Variants in SIAE observed in about 807,000 individuals in gnomAD.
The protein encoded by SIAE is sialate O-acetylesterase.
A neutral mutation model predicts 52.6 loss-of-function variants in SIAE; 39 were observed. That is an observed-to-expected ratio of 0.74 (90% confidence interval 0.57 to 0.97). SIAE has a LOEUF of 0.97. Among genes scored for constraint, SIAE ranks in the 50% least tolerant of loss-of-function variants. SIAE has a pLI of 0.00. For synonymous variants in SIAE, 233 were observed against 241.4 expected (o/e 0.97, Z 0.32); for missense variants, 592 against 662.1 (o/e 0.89, Z 1.16).
At chr11:124,671,124 T>C (rs962728665) in intron 1 of SIAE, among the ~76,000 whole-genome samples, 5 of 152,176 alleles carry the variant, frequency 3.3e-5, no homozygotes, top group African/African-American at 1.2e-4. Flanking sequence ...AACATACACT[T>C]AGTGAACATC....
chr11:124,662,878 C>T (rs1943209062), intron 2 of SIAE, among the ~76,000 whole-genome samples: 1 of 152,246 alleles, frequency 6.6e-6, no homozygotes, highest in African/African-American at 2.4e-5. Context: ...AGCACAGTGG[C>T]TCATGCCTGT....
intron 8 of SIAE, among the ~76,000 whole-genome samples, chr11:124,639,383 G>C (rs906524135): frequency 6.6e-6 from 1 of 152,214 alleles, no homozygotes; most frequent in Admixed American, 6.5e-5. Flanking sequence ...TTGTGTGGAA[G>C]CACTGAATTG....
upstream of SIAE, chr11:124,673,777 G>A: frequency 1.3e-6 from 2 of 1,558,802 alleles, no homozygotes; most frequent in Admixed American, 1.8e-5. Context: ...GGCCTGGGCG[G>A]GGGCGAGGCC....
intron 1 of SIAE, among the ~76,000 whole-genome samples, chr11:124,673,285 T>C (rs1331565821): frequency 1.3e-5 from 2 of 152,208 alleles, no homozygotes; most frequent in Admixed American, 6.5e-5. Flanking sequence ...TTTCCAAATA[T>C]TACCTAACTA....
chr11:124,637,568 C>G (rs1942770671), intron 9 of SIAE, among the ~76,000 whole-genome samples: 1 of 152,188 alleles, frequency 6.6e-6, no homozygotes, highest in African/African-American at 2.4e-5. Context: ...GGCCCAGCTG[C>G]TGCTGCTCCG....
In SIAE at chr11:124,633,348, C is replaced by T. The variant is rs1942652783; in HGVS notation, c.*3603G>A. ...ATTAAGGTAGAGGTTTACTCTATCA[C>T]CTAACACCTCAACACTACCTGTGGG... is the stretch of plus-strand genomic sequence containing the variant. On this transcript the variant is annotated 3_prime_UTR_variant, in exon 10 of 10. Coordinates refer to ENST00000263593, the MANE Select transcript of SIAE (RefSeq NM_170601.5). The T allele has an allele frequency of 1.3e-5, 2 of 152,178 alleles. No homozygotes were observed. The highest frequency in any genetic ancestry group is 2.9e-5 in the Non-Finnish European group (2 of 68,042). 9.4% of individuals were successfully genotyped at this position (152,178 alleles called of 1,614,324 possible). A position where few individuals can be genotyped will look rare whatever the true frequency, so the allele number is the denominator to read the frequency against.
upstream of SIAE, chr11:124,675,102 TG>T: frequency 1.3e-6 from 1 of 773,068 alleles, no homozygotes; most frequent in African/African-American, 1.8e-5. Flanking sequence ...AAGAAATGGA[TG>T]GGCTTGGGTT....
Position 124,638,575 on chromosome 11 carries a change from G to T in SIAE, c.1287C>A (p.Ile429=). 6.2e-7 allele frequency: 1 copy of T among 1,614,124 alleles called. No homozygotes were observed. Among genetic ancestry groups the T allele is most frequent in the South Asian group, 1.1e-5 (1 of 91,084 alleles). The change falls in exon 9 of 10, where the codon ATC becomes ATA. Residue 429 remains isoleucine (I), a synonymous_variant. Coordinates refer to ENST00000263593, the MANE Select transcript of SIAE (RefSeq NM_170601.5). The part of the protein sequence containing the change: ...GLLNLTYYQQ[I]QVQKKDNKIF... ...TCTTGTTGTCCTTTTTCTGCACCTG[G>T]ATTTGCTGGTAATATGTGAGATTGA...
intron 1 of SIAE, 133 bp downstream of exon 1, chr11:124,673,509 G>C (rs1043346700): frequency 3.8e-6 from 4 of 1,057,650 alleles, no homozygotes; most frequent in African/African-American, 1.6e-5. Flanking sequence ...TCGGAGACGC[G>C]AGCCCCTAGC....
intron 5 of SIAE, 127 bp from the exon 6 acceptor site, chr11:124,648,302 T>G (rs1031132799): frequency 1.4e-6 from 1 of 717,680 alleles, no homozygotes; most frequent in Admixed American, 2.0e-5. Flanking sequence ...GAATTAAAAT[T>G]GAATCGAAAC....
intron 2 of SIAE, among the ~76,000 whole-genome samples, chr11:124,664,190 G>A (rs1377039868): frequency 6.6e-6 from 1 of 151,976 alleles, no homozygotes; most frequent in Non-Finnish European, 1.5e-5. Flanking sequence ...AATTGACTAG[G>A]GCTTTATGTT....
chr11:124,673,611 G>T, intron 1 of SIAE, 31 bp downstream of exon 1: 2 of 1,608,282 alleles, frequency 1.2e-6, no homozygotes, highest in Non-Finnish European at 1.7e-6. Context: ...AGGCTGAGGG[G>T]CAGGGGTCCG....
chr11:124,634,635 ATAG>A lies in SIAE; in HGVS notation c.*2313_*2315del, dbSNP rs1247157871. Reference sequence around the variant, plus strand: ...TGATATTCATTACAGTATTATTTTAATAGTAGAAAATTGTTAAAAATCTATATG... The same window carrying A: ...TGATATTCATTACAGTATTATTTTAATAGAAAATTGTTAAAAATCTATATG... On this transcript the variant is annotated 3_prime_UTR_variant, in exon 10 of 10. Transcript: ENST00000263593. 2 of 152,192 alleles carry A rather than the reference ATAG, an allele frequency of 1.3e-5. No homozygotes were observed. Among genetic ancestry groups the A allele is most frequent in the African/African-American group, 4.8e-5 (2 of 41,444 alleles). 9.4% of individuals were successfully genotyped at this position (152,192 alleles called of 1,614,324 possible).
intron 2 of SIAE, among the ~76,000 whole-genome samples, chr11:124,664,857 A>G (rs1943250945): frequency 6.6e-6 from 1 of 151,776 alleles, no homozygotes; most frequent in African/African-American, 2.4e-5. Context: ...TAGAAATGAA[A>G]AAAGCGCCCC....
At chr11:124,637,247 C>A in intron 9 of SIAE, 45 bp from the exon 10 acceptor site, 2 of 1,613,304 alleles carry the variant, frequency 1.2e-6, no homozygotes, top group African/African-American at 1.3e-5. Flanking sequence ...TCAGAAGGGT[C>A]TTCCAAGAAA....
At chr11:124,652,691 CAAAAA>C (rs57632780) in intron 4 of SIAE, among the ~76,000 whole-genome samples, 5 of 72,928 alleles carry the variant, frequency 6.9e-5, no homozygotes, top group Admixed American at 1.7e-4. Context: ...GAGACTCGGT[CAAAAA>C]AAAAAAAAAA....
At chr11:124,651,063 C>CT (rs1005020428) in intron 4 of SIAE, among the ~76,000 whole-genome samples, 1 of 152,172 alleles carries the variant, frequency 6.6e-6, no homozygotes, top group African/African-American at 2.4e-5. Context: ...TTATTAAAGA[C>CT]TGACTATGGC....
chr11:124,638,474 C>T, intron 9 of SIAE, 68 bp downstream of exon 9: 1 of 1,538,920 alleles, frequency 6.5e-7, no homozygotes, highest in Non-Finnish European at 9.0e-7. Flanking sequence ...AAGAGATGGC[C>T]TCAAGTGCGG....
rs1444960726 is a variant in SIAE, at chr11:124,654,740, G to A, written c.459C>T (p.Arg153=). The A allele has an allele frequency of 7.4e-6, 12 of 1,614,018 alleles. No individual in the cohort carries two copies. Among genetic ancestry groups the A allele is most frequent in the South Asian group, 1.1e-5 (1 of 91,088 alleles). Reference sequence around the variant, plus strand: ...CTTGAATGGGAGAGACAGAGAGGATGCGGACAGACTGATATGCCGCAGTGT... The same window carrying A: ...CTTGAATGGGAGAGACAGAGAGGATACGGACAGACTGATATGCCGCAGTGT... The part of the protein sequence containing the change: ...LSNTAAYQSV[R]ILSVSPIQAE... The change falls in exon 4 of 10, where the codon CGC becomes CGT. Residue 153 remains arginine, a synonymous_variant. Transcript: ENST00000263593.
Sources: allele counts gnomAD v4.1 joint callset (sites outside exome capture counted in the v4.1 genomes callset), GRCh38; gene constraint gnomAD v4.1.1; transcripts MANE v1.5; gene names NCBI Gene and HGNC (gene_info 2026-07-23, HGNC 2026-07-21).